Variants in NPHP4 observed in about 807,000 individuals in gnomAD.
NPHP4 encodes nephrocystin-4.
Under a neutral mutation model 155.8 loss-of-function variants are expected in NPHP4, and 151 were observed. That is an observed-to-expected ratio of 0.97 (90% CI 0.85 to 1.11). The LOEUF (loss-of-function observed/expected upper bound fraction) is 1.11. NPHP4 is among the 50% of genes least tolerant of loss of function. The pLI is 0.00. For missense variants in NPHP4, 1,956 were observed against 1,925.7 expected (o/e 1.02, Z -0.29); for synonymous variants, 845 against 816.8 (o/e 1.03, Z -0.59).
intron 9 of NPHP4, among the ~76,000 whole-genome samples, chr1:5,943,943 T>G (rs1201996324): frequency 6.6e-6 from 1 of 151,990 alleles, no homozygotes; most frequent in East Asian, 1.9e-4. Flanking sequence ...AGATGAGACA[T>G]GAGCGATAAA....
chr1:5,931,413 A>G (rs1257716619), intron 10 of NPHP4, among the ~76,000 whole-genome samples: 5 of 151,902 alleles, frequency 3.3e-5, no homozygotes, highest in Non-Finnish European at 5.9e-5. Context: ...AAAAAAAAAA[A>G]AAAAAAGTAC....
chr1:5,942,110 G>A (rs777419938), intron 9 of NPHP4, among the ~76,000 whole-genome samples: 11 of 152,174 alleles, frequency 7.2e-5, no homozygotes, highest in East Asian at 1.9e-4. Context: ...ACACATGCAC[G>A]TCTGGATGTG....
At chr1:5,873,903 AC>A (rs1015912592) in intron 22 of NPHP4, 1 of 207,618 alleles carries the variant, frequency 4.8e-6, no homozygotes, top group African/African-American at 2.4e-5. Context: ...AGACCCCTAC[AC>A]GCACAACTCC....
intron 9 of NPHP4, among the ~76,000 whole-genome samples, chr1:5,937,050 G>A (rs1418947944): frequency 1.3e-5 from 2 of 152,224 alleles, no homozygotes; most frequent in African/African-American, 4.8e-5. Flanking sequence ...AGGACAGCTA[G>A]GAGCCCCAAA....
chr1:5,961,404 T>G (rs1650289424), intron 6 of NPHP4, among the ~76,000 whole-genome samples: 1 of 152,162 alleles, frequency 6.6e-6, no homozygotes, highest in Non-Finnish European at 1.5e-5. Context: ...ACGGTCAATT[T>G]TATGTTATCC....
chr1:5,991,356 G>A (rs1475101129), intron 1 of NPHP4: 1 of 152,212 alleles, frequency 6.6e-6, no homozygotes, highest in South Asian at 2.1e-4. Flanking sequence ...CTGCACAGAG[G>A]AGGTGCAACG....
At chr1:5,934,784 T>C (rs1646451102) in intron 9 of NPHP4, among the ~76,000 whole-genome samples, 1 of 152,000 alleles carries the variant, frequency 6.6e-6, no homozygotes, top group African/African-American at 2.4e-5. Flanking sequence ...ATGCCCTGCC[T>C]AGGATGGGTG....
At chr1:5,935,121 T>C (rs920778986) in intron 9 of NPHP4, among the ~76,000 whole-genome samples, 7 of 152,220 alleles carry the variant, frequency 4.6e-5, no homozygotes, top group Admixed American at 3.3e-4. Flanking sequence ...ACAGTTCTTG[T>C]TTCTTCCAAG....
In NPHP4 at chr1:5,888,205, C is replaced by T. The variant is rs146760473; in HGVS notation, c.2305-739G>A. 3.8e-3 allele frequency: 1,744 copies of T among 458,662 alleles called. 3 individuals carry two copies. The highest frequency in any genetic ancestry group is 5.4e-3 in the Admixed American group (85 of 15,654). 28.4% of individuals were successfully genotyped at this position (458,662 alleles called of 1,614,324 possible). On this transcript the variant is annotated intron_variant, in intron 17 of 29. Transcript: ENST00000378156. ...GGCCTCAGCAGGACTTTCCTGACCA[C>T]GGGCTCTTCTGCTGATCAGATTCCA... is the stretch of plus-strand genomic sequence containing the variant.
chr1:5,863,594 G>A, intron 29 of NPHP4, 189 bp from the exon 30 acceptor site: 3 of 674,572 alleles, frequency 4.4e-6, no homozygotes, highest in Non-Finnish European at 7.7e-6. Flanking sequence ...CTCAGCCAGT[G>A]TGACGCGTTA....
chr1:5,918,748 T>C (rs1645592090), intron 11 of NPHP4, among the ~76,000 whole-genome samples: 1 of 152,194 alleles, frequency 6.6e-6, no homozygotes, highest in Non-Finnish European at 1.5e-5. Context: ...CTAGAGGAAA[T>C]TGGCCATTTT....
intron 2 of NPHP4, among the ~76,000 whole-genome samples, chr1:5,984,391 G>A (rs780962012): frequency 3.3e-5 from 5 of 152,034 alleles, no homozygotes; most frequent in Admixed American, 6.6e-5. Flanking sequence ...AAACTTAGCC[G>A]GGCATGGTGG....
intron 11 of NPHP4, among the ~76,000 whole-genome samples, chr1:5,917,834 A>C (rs1645552945): frequency 6.6e-6 from 1 of 151,934 alleles, no homozygotes; most frequent in Non-Finnish European, 1.5e-5. Flanking sequence ...GCTACTTCTA[A>C]CCCGGGAGGG....
intron 12 of NPHP4, 102 bp from the exon 13 acceptor site, chr1:5,907,324 G>A (rs1163569123): frequency 2.9e-6 from 2 of 686,808 alleles, no homozygotes; most frequent in African/African-American, 1.8e-5. Flanking sequence ...GGTAGCCCTG[G>A]ATCCAGCCAC....
chr1:5,953,771 C>G (rs1220802115), intron 6 of NPHP4, among the ~76,000 whole-genome samples: 1 of 152,206 alleles, frequency 6.6e-6, no homozygotes, highest in Non-Finnish European at 1.5e-5. Context: ...TCCACTTGCT[C>G]TAGAGCAAAG....
At chr1:5,900,616 T>C (rs72857405) in intron 16 of NPHP4, among the ~76,000 whole-genome samples, 7,831 of 152,262 alleles carry the variant, frequency 0.051, 682 homozygotes, top group African/African-American at 0.18. Context: ...TGATCCATCA[T>C]GGTGGATCCA....
intron 20 of NPHP4, among the ~76,000 whole-genome samples, chr1:5,875,798 C>G (rs1240186770): frequency 6.6e-6 from 1 of 152,244 alleles, no homozygotes; most frequent in Non-Finnish European, 1.5e-5. Context: ...TGCAGCTACT[C>G]CAAGAAGCCG....
At chr1:5,933,517 T>C (rs967305392) in intron 9 of NPHP4, among the ~76,000 whole-genome samples, 188 bp from the exon 10 acceptor site, 1 of 152,200 alleles carries the variant, frequency 6.6e-6, no homozygotes, top group East Asian at 1.9e-4. Context: ...GTGCAGACAG[T>C]AGGGCACAGA....
At position 5,969,091 on chromosome 1, in the gene NPHP4, T is replaced by G; in HGVS notation, c.448A>C (p.Lys150Gln). The change falls in exon 4 of 30, where the codon AAA (lysine) becomes CAA (glutamine). Residue 150 changes from lysine (K) to glutamine (Q), a missense_variant. Lys to Gln is a moderately conservative substitution (Grantham distance 53). Transcript: ENST00000378156. ...PDSPISASQD[K>Q]RLRLYHGTPR... ...TTGTAGAAACAAGGCAGGTACCTTT[T>G]GTCCTGGGAAGCAGAGATAGGAGAG... 5.2e-6 allele frequency: 8 copies of G among 1,548,244 alleles called. No homozygotes were observed. The highest frequency in any genetic ancestry group is 6.1e-6 in the Non-Finnish European group (7 of 1,144,520).
Sources: allele counts gnomAD v4.1 joint callset (sites outside exome capture counted in the v4.1 genomes callset), GRCh38; gene constraint gnomAD v4.1.1; transcripts MANE v1.5; gene names NCBI Gene and HGNC (gene_info 2026-07-23, HGNC 2026-07-21).